MED1: variants seen among roughly 807,000 people sequenced by gnomAD.
MED1 encodes mediator complex subunit 1.
Under a neutral mutation model 121.3 loss-of-function variants are expected in MED1, and 17 were observed. That is an observed-to-expected ratio of 0.14 (90% CI 0.10 to 0.21). The LOEUF is 0.21. Among genes scored for constraint, MED1 ranks in the 10% least tolerant of loss-of-function variants. The pLI is 1.00. For synonymous variants in MED1, 661 were observed against 694.4 expected, an observed-to-expected ratio of 0.95 and a Z score of 0.76; for missense variants, 1,558 against 1,919.4, an observed-to-expected ratio of 0.81 and a Z score of 3.52.
rs2048498446 is a variant in MED1 at position 39,424,723 on chromosome 17, C to G, written c.755G>C (p.Gly252Ala). The change falls in exon 11 of 17, where the codon GGC (glycine) becomes GCC (alanine). Residue 252 changes from glycine to alanine, a missense_variant. Gly to Ala is a moderately conservative substitution (Grantham distance 60). Coordinates refer to ENST00000300651, the MANE Select transcript of MED1 (RefSeq NM_004774.4). ...TTCAATTGTCACTGATGCATTCATG[C>G]CCAAAGATCGAGAAACTGGGGATAG... ...LHENNVSRSL[G>A]MNASVTIEGT... 1 of 1,604,842 alleles carries G rather than the reference C, an allele frequency of 6.2e-7. No homozygotes were observed. Among genetic ancestry groups the G allele is most frequent in the Non-Finnish European group, 8.5e-7 (1 of 1,174,354 alleles).
rs1456497129 is a variant in MED1, at chr17:39,412,540, T to C, written c.1500-1819A>G. On this transcript the variant is annotated intron_variant, in intron 16 of 16. Coordinates refer to ENST00000300651, the MANE Select transcript of MED1 (RefSeq NM_004774.4). ...CCCAGCCAGCAAATTTTTCTTTTTT[T>C]TTTTTTTTTTTTCTTTGAGACAGAG... is the stretch of plus-strand genomic sequence containing the variant. 6.2e-3 allele frequency among the ~76,000 whole-genome samples: 926 copies of C among 149,492 alleles called. 18 individuals carry two copies. The highest frequency in any genetic ancestry group is 0.022 in the African/African-American group (886 of 40,850).
chr17:39,423,545 T>TA, intron 12 of MED1, 100 bp from the exon 13 acceptor site: 1 of 1,415,782 alleles, frequency 7.1e-7, no homozygotes, highest in East Asian at 2.3e-5. Flanking sequence ...AAAGAGTACT[T>TA]ACTAAGCATT....
intron 16 of MED1, among the ~76,000 whole-genome samples, chr17:39,413,912 TAAAA>T (rs66489961): frequency 2.9e-5 from 2 of 69,852 alleles, no homozygotes; most frequent in Admixed American, 1.9e-4. Flanking sequence ...GTAATATCAT[TAAAA>T]AAAAAAAAAA....
chr17:39,436,864 G>A (rs540756375), intron 6 of MED1, among the ~76,000 whole-genome samples: 6 of 151,866 alleles, frequency 4.0e-5, no homozygotes, highest in African/African-American at 1.4e-4. Context: ...CACCTCCCAG[G>A]CTCAAGCCAT....
intron 11 of MED1, 83 bp from the exon 12 acceptor site, chr17:39,423,904 C>G (rs1286518890): frequency 7.0e-7 from 1 of 1,431,524 alleles, no homozygotes; most frequent in Admixed American, 2.6e-5. Context: ...TTTTTTGAGA[C>G]AGATTTTCCC....
chr17:39,420,360 C>T (rs1054867181), intron 13 of MED1, among the ~76,000 whole-genome samples: 12 of 151,744 alleles, frequency 7.9e-5, no homozygotes, highest in Admixed American at 6.6e-4. Context: ...CCACCACGCC[C>T]GGCTAATTTT....
intron 13 of MED1, among the ~76,000 whole-genome samples, chr17:39,420,531 T>TA (rs766499028): frequency 8.5e-5 from 13 of 152,132 alleles, no homozygotes; most frequent in East Asian, 5.8e-4. Context: ...AAAACACCTA[T>TA]ATAATAATAA....
chr17:39,447,722 A>G, intron 2 of MED1, 76 bp downstream of exon 2: 1 of 1,072,878 alleles, frequency 9.3e-7, no homozygotes. Context: ...GTATGAACAC[A>G]TCTACATGGG....
intron 3 of MED1, among the ~76,000 whole-genome samples, chr17:39,441,055 A>G (rs1056537307): frequency 2.0e-5 from 3 of 152,180 alleles, no homozygotes; most frequent in Admixed American, 1.3e-4. Flanking sequence ...AAAAGGTTAA[A>G]ACAATCCAAG....
chr17:39,429,909 C>T (rs2048550116), intron 9 of MED1, among the ~76,000 whole-genome samples: 1 of 151,826 alleles, frequency 6.6e-6, no homozygotes, highest in African/African-American at 2.4e-5. Context: ...CATAGTAAGA[C>T]CATGTCTCTA....
chr17:39,414,903 C>T (rs2048394236), intron 16 of MED1, 123 bp downstream of exon 16: 8 of 784,688 alleles, frequency 1.0e-5, no homozygotes, highest in Admixed American at 3.9e-5. Flanking sequence ...CTTCTGACCT[C>T]GTGATCCGCC....
intron 12 of MED1, 30 bp downstream of exon 12, chr17:39,423,667 A>G (rs1301826121): frequency 6.2e-7 from 1 of 1,613,536 alleles, no homozygotes; most frequent in East Asian, 2.2e-5. Flanking sequence ...CATTTATAAC[A>G]AGTACTAGAT....
intron 6 of MED1, among the ~76,000 whole-genome samples, chr17:39,435,839 T>C (rs1338995851): frequency 6.6e-6 from 1 of 151,968 alleles, no homozygotes; most frequent in Admixed American, 6.6e-5. Context: ...GTAGCTGGAA[T>C]TACAGACGAG....
Position 39,410,540 on chromosome 17 carries a change from T to G in MED1, c.1681A>C (p.Thr561Pro). ...CCCGGAAAGGTGTTGGTTGGTGTAG[T>G]GGTACCACTCATTGGGTTGTTGCCT... ...TTGNNPMSGT[T>P]TPTNTFPGGP... Residue 561 changes from threonine (T) to proline (P), a missense_variant, in exon 17 of 17, where the codon ACT (threonine) becomes CCT (proline). Coordinates refer to ENST00000300651, the MANE Select transcript of MED1 (RefSeq NM_004774.4). 1 of 1,614,084 alleles carries G rather than the reference T, an allele frequency of 6.2e-7. No homozygotes were observed. The highest frequency in any genetic ancestry group is 8.5e-7 in the Non-Finnish European group (1 of 1,180,020).
Position 39,409,213 on chromosome 17 carries a change from C to A in MED1, c.3008G>T (p.Gly1003Val), listed in dbSNP as rs2048332164. 3 of 1,614,002 alleles carry A rather than the reference C, an allele frequency of 1.9e-6. No individual in the cohort carries two copies. In the Admixed American group the frequency reaches 5.0e-5, roughly 27 times the overall value. ...CTTTGGAGGCTTATCTTTGCTTTTCCCATCATTAGAAGGGGTCCGACTGCG... is the reference window on the plus strand; with the variant it reads ...CTTTGGAGGCTTATCTTTGCTTTTCACATCATTAGAAGGGGTCCGACTGCG... ...GKRSRTPSND[G>V]KSKDKPPKRK... The change falls in exon 17 of 17, where the codon GGG becomes GTG. Residue 1003 changes from glycine (G) to valine (V), a missense_variant. By Grantham distance (109) the Gly-to-Val change is moderately radical. Transcript: ENST00000300651.
intron 14 of MED1, among the ~76,000 whole-genome samples, chr17:39,419,452 G>C (rs56257093): frequency 6.7e-6 from 1 of 149,726 alleles, no homozygotes; most frequent in East Asian, 2.0e-4. Context: ...CTGTCACCCA[G>C]GCTGGAGTGC....
At chr17:39,415,177 A>C in intron 15 of MED1, 46 bp from the exon 16 acceptor site, 2 of 1,607,252 alleles carry the variant, frequency 1.2e-6, no homozygotes, top group Non-Finnish European at 1.7e-6. Context: ...TTAGCTTCTG[A>C]CTTTTCCAAA....
chr17:39,419,204 G>A (rs2048438035), intron 14 of MED1, among the ~76,000 whole-genome samples: 1 of 151,686 alleles, frequency 6.6e-6, no homozygotes, highest in Non-Finnish European at 1.5e-5. Flanking sequence ...CCTGCCTCAG[G>A]ATCCCGAGTA....
At chr17:39,420,030 G>C in intron 13 of MED1, 112 bp from the exon 14 acceptor site, 3 of 805,880 alleles carry the variant, frequency 3.7e-6, no homozygotes, top group South Asian at 1.7e-5. Context: ...TCTCCACAGT[G>C]AATGTTTTCA....
Sources: allele counts gnomAD v4.1 joint callset (sites outside exome capture counted in the v4.1 genomes callset), GRCh38; gene constraint gnomAD v4.1.1; transcripts MANE v1.5; gene names NCBI Gene and HGNC (gene_info 2026-07-23, HGNC 2026-07-21).